WIPF1: variants seen among roughly 807,000 people sequenced by gnomAD.
WIPF1 encodes WAS/WASL-interacting protein family member 1.
Under a neutral mutation model 35.4 loss-of-function variants are expected in WIPF1, and 13 were observed. The ratio of observed to expected loss-of-function variants is 0.37; its 90% confidence interval spans 0.24 to 0.58. The LOEUF is 0.58. WIPF1 is among the 20% of genes least tolerant of loss of function. The pLI, the probability that WIPF1 is intolerant of heterozygous loss-of-function variation, is 0.74. For missense variants in WIPF1, 591 were observed against 667.0 expected (o/e 0.89, Z 1.25); for synonymous variants, 267 against 266.3 (o/e 1.00, Z -0.02).
intron 1 of WIPF1, among the ~76,000 whole-genome samples, chr2:174,670,538 T>C (rs908785406): frequency 1.3e-5 from 2 of 152,224 alleles, no homozygotes; most frequent in African/African-American, 4.8e-5. Flanking sequence ...AGGGGAACCA[T>C]TGACCAGTGT....
At chr2:174,653,725 G>A (rs1216696309) in intron 1 of WIPF1, among the ~76,000 whole-genome samples, 1 of 137,660 alleles carries the variant, frequency 7.3e-6, no homozygotes, top group Non-Finnish European at 1.5e-5. Context: ...CTGGGCAACA[G>A]AGCAAGCCTC....
rs1055740754 is a variant in WIPF1 at position 174,590,402 on chromosome 2, G to A, written c.-38-4791C>T. On this transcript the variant is annotated intron_variant, in intron 1 of 7. Coordinates refer to ENST00000679041, the MANE Select transcript of WIPF1 (RefSeq NM_001375834.1). The surrounding 1 kb of genome is among the most constrained non-coding windows in gnomAD (Gnocchi z 4.6). ...TACAAGCTGCTGAGTGCCTGGCAGA[G>A]GAGGGATGGACCTGGAGGCTAGTCT... Among the ~76,000 whole-genome samples the A allele has an allele frequency of 6.6e-6, 1 of 152,190 alleles. No individual in the cohort carries two copies. The highest frequency in any genetic ancestry group is 2.4e-5 in the African/African-American group (1 of 41,438).
At chr2:174,593,453 C>T (rs923369905) in intron 1 of WIPF1, among the ~76,000 whole-genome samples, 2 of 152,198 alleles carry the variant, frequency 1.3e-5, no homozygotes, top group Admixed American at 6.5e-5. Flanking sequence ...ATAAAATCAT[C>T]GAGCAAACTC....
chr2:174,589,380 G>C (rs958888941), intron 1 of WIPF1, among the ~76,000 whole-genome samples: 3 of 152,246 alleles, frequency 2.0e-5, no homozygotes, highest in Admixed American at 6.5e-5. Flanking sequence ...TTTCAGAGGG[G>C]CTTGCTAGTG....
At chr2:174,603,529 A>G (rs1455641666) in intron 1 of WIPF1, among the ~76,000 whole-genome samples, 1 of 152,242 alleles carries the variant, frequency 6.6e-6, no homozygotes, top group Non-Finnish European at 1.5e-5. Context: ...CTGAGACAGG[A>G]GCCTACTCAT....
At chr2:174,562,733 T>C in intron 7 of WIPF1, 131 bp from the exon 8 acceptor site, 1 of 1,191,842 alleles carries the variant, frequency 8.4e-7, no homozygotes, top group Non-Finnish European at 1.2e-6. Context: ...AACTGGCGTA[T>C]GTTGTGGATG....
At chr2:174,681,564 T>C (rs1225817754) in intron 1 of WIPF1, among the ~76,000 whole-genome samples, 2 of 152,230 alleles carry the variant, frequency 1.3e-5, no homozygotes, top group Non-Finnish European at 2.9e-5. Flanking sequence ...GCTACAGTAT[T>C]GTTTTGAAAT....
intron 1 of WIPF1, among the ~76,000 whole-genome samples, chr2:174,619,495 C>G (rs1490368780): frequency 6.6e-6 from 1 of 152,142 alleles, no homozygotes; most frequent in South Asian, 2.1e-4. Flanking sequence ...ATGTCAATAT[C>G]TTTATACACA....
Position 174,622,622 on chromosome 2 carries a change from A to G in WIPF1, c.-38-37011T>C, listed in dbSNP as rs887431733. Among the ~76,000 whole-genome samples, 1 of 152,174 alleles carries G rather than the reference A, an allele frequency of 6.6e-6. No individual in the cohort carries two copies. The highest frequency in any genetic ancestry group is 6.5e-5 in the Admixed American group (1 of 15,276). Reference sequence around the variant, plus strand: ...TAACTCACCGAATCCCCACTCTCCTATGAGCAGGCTGATGGTCACTGCTAC... The same window carrying G: ...TAACTCACCGAATCCCCACTCTCCTGTGAGCAGGCTGATGGTCACTGCTAC... On this transcript the variant is annotated intron_variant, in intron 1 of 8. Transcript: ENST00000272746. This position sits in a 1 kb window ranked among gnomAD's most constrained non-coding sequence, Gnocchi z 5.1.
intron 1 of WIPF1, among the ~76,000 whole-genome samples, chr2:174,609,743 C>A (rs1285136955): frequency 6.6e-6 from 1 of 152,156 alleles, no homozygotes; most frequent in African/African-American, 2.4e-5. Context: ...CGGGGTCAGT[C>A]GGGGCTGGGA....
At chr2:174,679,133 T>C (rs946370127) in intron 1 of WIPF1, among the ~76,000 whole-genome samples, 3 of 152,156 alleles carry the variant, frequency 2.0e-5, no homozygotes, top group Admixed American at 6.5e-5. Context: ...ATCTGACCCT[T>C]AGAACAATCC....
At chr2:174,653,860 T>G (rs1160827039) in intron 1 of WIPF1, among the ~76,000 whole-genome samples, 3 of 152,134 alleles carry the variant, frequency 2.0e-5, no homozygotes. Flanking sequence ...GGGCAGTGCT[T>G]TGCCACTGAT....
chr2:174,642,530 G>A (rs913246398), intron 1 of WIPF1, among the ~76,000 whole-genome samples: 2 of 151,734 alleles, frequency 1.3e-5, no homozygotes, highest in South Asian at 4.2e-4. Flanking sequence ...TGTATTTTTA[G>A]TAGAGAAGGG....
chr2:174,601,123 C>T (rs549351159), upstream of WIPF1, among the ~76,000 whole-genome samples: 6 of 151,736 alleles, frequency 4.0e-5, no homozygotes, highest in Non-Finnish European at 7.4e-5. Flanking sequence ...GACGGGGTTT[C>T]GCCATGTTGG....
At chr2:174,651,387 G>A (rs1287644524) in intron 1 of WIPF1, among the ~76,000 whole-genome samples, 4 of 151,744 alleles carry the variant, frequency 2.6e-5, no homozygotes, top group Admixed American at 6.6e-5. Context: ...CATCATCACC[G>A]AGCAAAGTTG....
intron 1 of WIPF1, among the ~76,000 whole-genome samples, chr2:174,663,431 A>C (rs1182975552): frequency 6.6e-6 from 1 of 152,182 alleles, no homozygotes; most frequent in Non-Finnish European, 1.5e-5. Flanking sequence ...GATTACAATA[A>C]ATGTGGGAAC....
At chr2:174,621,255 G>A (rs1574841491) in intron 1 of WIPF1, among the ~76,000 whole-genome samples, 3 of 152,086 alleles carry the variant, frequency 2.0e-5, no homozygotes, top group Non-Finnish European at 4.4e-5. Context: ...GAAATAATAA[G>A]ACATAGAGAC....
intron 5 of WIPF1, 137 bp from the exon 6 acceptor site, chr2:174,568,210 A>C: frequency 9.0e-7 from 1 of 1,108,852 alleles, no homozygotes; most frequent in Non-Finnish European, 1.2e-6. Flanking sequence ...TATTTGGCTG[A>C]GAAATGAGTA....
chr2:174,655,109 C>A (rs1687614571), intron 1 of WIPF1, among the ~76,000 whole-genome samples: 1 of 152,110 alleles, frequency 6.6e-6, no homozygotes, highest in Non-Finnish European at 1.5e-5. Context: ...AAGATGAGAC[C>A]ATGACTGGCT....
Sources: gnomAD v4.1 joint callset for allele counts (sites outside exome capture counted in the v4.1 genomes callset) on GRCh38, gnomAD v4.1.1 for gene constraint, Gnocchi (gnomAD v3.1) non-coding constraint, MANE v1.5 for transcripts, NCBI Gene and HGNC (gene_info 2026-07-23, HGNC 2026-07-21) for gene names.